DAB1: variants seen among roughly 807,000 people sequenced by gnomAD.
The protein encoded by DAB1 is DAB adaptor protein 1.
In DAB1, 15 loss-of-function variants were observed where a neutral mutation model predicts 64.6. The ratio of observed to expected loss-of-function variants is 0.23; its 90% CI spans 0.16 to 0.36. The LOEUF is 0.36. DAB1 is among the 10% of genes least tolerant of loss of function. The pLI is 1.00. For missense variants in DAB1, 596 were observed against 706.7 expected (o/e 0.84, Z 1.78); for synonymous variants, 235 against 251.9 (o/e 0.93, Z 0.64).
chr1:57,537,242 C>T (rs1644741090), intron 7 of DAB1, among the ~76,000 whole-genome samples: 1 of 152,096 alleles, frequency 6.6e-6, no homozygotes, highest in South Asian at 2.1e-4. Flanking sequence ...AGACTGGTTC[C>T]CAAACCTGCC....
chr1:57,796,539 GATA>G lies in DAB1; in HGVS notation n.551+87457_551+87459del, dbSNP rs112123311. Among the ~76,000 whole-genome samples the G allele has an allele frequency of 3.9e-3, 576 of 146,844 alleles. 1 individual carries two copies. The highest frequency in any genetic ancestry group is 0.01 in the African/African-American group (387 of 38,448). On this transcript the variant is annotated intron_variant and non_coding_transcript_variant, in intron 6 of 20. Coordinates refer to the DAB1 transcript ENST00000485760. ...AAAACTCCGTCTCAATAATAACAAT[GATA>G]ATAATAATAATAATAATAATCATAA...
chr1:57,971,278 G>A (rs918853502), intron 5 of DAB1, among the ~76,000 whole-genome samples: 21 of 152,186 alleles, frequency 1.4e-4, no homozygotes, highest in African/African-American at 5.1e-4. Context: ...TTGCTTTCCT[G>A]CACACTGCCT....
chr1:58,123,035 A>G (rs1379276509), intron 5 of DAB1, among the ~76,000 whole-genome samples: 1 of 152,190 alleles, frequency 6.6e-6, no homozygotes, highest in Non-Finnish European at 1.5e-5. Context: ...TATAAATAAA[A>G]TAGGAATAGA....
At chr1:57,250,195 A>C (rs931324293) in intron 2 of DAB1, among the ~76,000 whole-genome samples, 8 of 152,310 alleles carry the variant, frequency 5.3e-5, no homozygotes, top group African/African-American at 1.9e-4. Context: ...GCCCAGATTA[A>C]TCAGATTCCT....
At chr1:58,184,246 A>T (rs1656952962) in intron 4 of DAB1, among the ~76,000 whole-genome samples, 1 of 150,288 alleles carries the variant, frequency 6.7e-6, no homozygotes, top group Non-Finnish European at 1.5e-5. Flanking sequence ...TATCAGTTTT[A>T]TTATTAATAA....
chr1:57,245,621 T>A lies in DAB1; in HGVS notation c.67+45343A>T, dbSNP rs143095120. On this transcript the variant is annotated intron_variant, in intron 2 of 14. Transcript: ENST00000371236. ...GCAAAAGACATGAACTCATCCTTTT[T>A]TATGATTGCATAGTATTCCATGGTG... 9.9e-3 allele frequency among the ~76,000 whole-genome samples: 1,506 copies of A among 152,342 alleles called. 30 individuals are homozygous for A. The highest frequency in any genetic ancestry group is 0.08 in the East Asian group (412 of 5,178).
intron 1 of DAB1, among the ~76,000 whole-genome samples, chr1:57,881,733 G>A (rs528494388): frequency 2.0e-5 from 3 of 152,094 alleles, no homozygotes; most frequent in Non-Finnish European, 4.4e-5. Flanking sequence ...GGGATGATGG[G>A]TGGCTTCTAG....
chr1:57,314,017 T>C (rs1223903297), intron 1 of DAB1, among the ~76,000 whole-genome samples: 1 of 152,218 alleles, frequency 6.6e-6, no homozygotes, highest in African/African-American at 2.4e-5. Context: ...AGTAAATTTC[T>C]GTTATTTACA....
At chr1:57,011,421 C>A (rs1386965098) in intron 12 of DAB1, 149 bp from the exon 13 acceptor site, 2 of 977,680 alleles carry the variant, frequency 2.0e-6, no homozygotes, top group East Asian at 2.5e-5. Context: ...TATTTGAATT[C>A]TCTCTCTGTA....
At chr1:57,245,143 T>C (rs1412449021) in intron 2 of DAB1, among the ~76,000 whole-genome samples, 1 of 152,190 alleles carries the variant, frequency 6.6e-6, no homozygotes, top group African/African-American at 2.4e-5. Flanking sequence ...CAGGTGGAGA[T>C]GAAGAACTTA....
At chr1:57,553,478 A>AAGGG (rs1644948144) in intron 7 of DAB1, among the ~76,000 whole-genome samples, 1 of 79,100 alleles carries the variant, frequency 1.3e-5, no homozygotes, top group Admixed American at 1.7e-4. Context: ...GAAAGAAAGG[A>AAGGG]AGGAAGGAAG....
At chr1:58,037,643 C>A (rs2100495783) in intron 5 of DAB1, among the ~76,000 whole-genome samples, 1 of 152,120 alleles carries the variant, frequency 6.6e-6, no homozygotes, top group Middle Eastern at 3.4e-3. Flanking sequence ...TCCACCCCCA[C>A]CCTGCTCCAT....
intron 2 of DAB1, among the ~76,000 whole-genome samples, chr1:57,231,177 A>G (rs1667648549): frequency 6.6e-6 from 1 of 152,212 alleles, no homozygotes; most frequent in Admixed American, 6.5e-5. Context: ...AAGCCCACAT[A>G]TACAAAATAT....
rs745598314 is a variant in DAB1, at chr1:57,014,969, G to T, written c.1358C>A (p.Ala453Glu). 5 of 1,613,912 alleles carry T rather than the reference G, an allele frequency of 3.1e-6. No individual in the cohort carries two copies. In the African/African-American group the frequency reaches 6.7e-5, roughly 22 times the overall value. Residue 453 changes from alanine (A) to glutamate (E), a missense_variant, in exon 12 of 15, where the codon GCA (alanine) becomes GAA (glutamate). By Grantham distance (107) the Ala-to-Glu change is moderately radical (BLOSUM62 -1). Transcript: ENST00000371236. ...FSSYFNKVGVAQDTDDCDDFD... is the reference protein window; with the variant it reads ...FSSYFNKVGVEQDTDDCDDFD... ...GTCATCACAGTCGTCTGTATCCTGT[G>T]CCACCCCGACTTTGTTGAAGTAACT...
intron 5 of DAB1, among the ~76,000 whole-genome samples, chr1:58,075,793 T>C (rs1241670399): frequency 2.0e-5 from 3 of 152,210 alleles, no homozygotes; most frequent in Admixed American, 6.5e-5. Flanking sequence ...CCAACTCTGC[T>C]GCCTTTCTCT....
chr1:57,511,218 C>A (rs1193098054), intron 7 of DAB1, among the ~76,000 whole-genome samples: 2 of 152,160 alleles, frequency 1.3e-5, no homozygotes, highest in East Asian at 1.9e-4. Context: ...ATGCATGAAA[C>A]CTATCCTGTT....
At chr1:57,932,976 A>G (rs1024201459) in intron 5 of DAB1, among the ~76,000 whole-genome samples, 9 of 152,218 alleles carry the variant, frequency 5.9e-5, no homozygotes, top group Non-Finnish European at 1.2e-4. Flanking sequence ...CTTATTAGGA[A>G]GAACAGAATG....
intron 2 of DAB1, among the ~76,000 whole-genome samples, chr1:57,218,207 C>T (rs1217793413): frequency 2.0e-5 from 3 of 152,084 alleles, no homozygotes; most frequent in Non-Finnish European, 2.9e-5. Context: ...GCAAAGGCAC[C>T]GAGGAAAGGG....
chr1:57,684,958 T>C (rs2101703626), intron 6 of DAB1, among the ~76,000 whole-genome samples: 1 of 73,952 alleles, frequency 1.4e-5, no homozygotes, highest in South Asian at 7.4e-4. Context: ...TCTTTCTTTT[T>C]TCTTTTTTTT....
Sources: gnomAD v4.1 joint callset for allele counts (sites outside exome capture counted in the v4.1 genomes callset) on GRCh38, gnomAD v4.1.1 for gene constraint, MANE v1.5 for transcripts, NCBI Gene and HGNC (gene_info 2026-07-23, HGNC 2026-07-21) for gene names.